The following ARHGAP11B variants were observed in gnomAD, a reference collection of about 807,000 sequenced individuals.
ARHGAP11B encodes inactive Rho GTPase-activating protein 11B.
A neutral mutation model predicts 27.6 loss-of-function variants in ARHGAP11B; 14 were observed. That is an observed-to-expected ratio of 0.51 (90% CI 0.34 to 0.79). The LOEUF (loss-of-function observed/expected upper bound fraction) is 0.79. Ranked by LOEUF, ARHGAP11B falls within the 30% of genes least tolerant of loss-of-function variation. ARHGAP11B has a pLI of 0.02. For missense variants in ARHGAP11B, 245 were observed against 320.1 expected, an observed-to-expected ratio of 0.77 and a Z score of 1.79; for synonymous variants, 82 against 114.1, an observed-to-expected ratio of 0.72 and a Z score of 1.80.
Position 30,632,422 on chromosome 15 carries a change from T to A in ARHGAP11B, c.201-1068T>A, listed in dbSNP as rs370473924. On this transcript the variant is annotated intron_variant, in intron 2 of 10. Transcript: ENST00000428041. ...CAGAGCGAGACACTGTCTCAAAAAC[T>A]AAAAGAAAAAAAAAAAGCAGATTTT... is the stretch of plus-strand genomic sequence containing the variant. 1.0e-4 allele frequency among the ~76,000 whole-genome samples: 15 copies of A among 146,924 alleles called. 1 individual carries two copies. The highest frequency in any genetic ancestry group is 1.7e-4 in the Non-Finnish European group (11 of 66,604).
Position 30,639,099 on chromosome 15 carries a change from C to T in ARHGAP11B, c.*78+279C>T, listed in dbSNP as rs141443549. On this transcript the variant is annotated intron_variant, in intron 7 of 10. Coordinates refer to ENST00000428041, the Ensembl canonical transcript of ARHGAP11B. ...TGTTTGTAATTTAGATGCTATTGAA[C>T]GTGTGAAAATAGTTCAACCTCATTT... Among the ~76,000 whole-genome samples the T allele has an allele frequency of 1.3e-3, 192 of 151,906 alleles. 1 individual carries two copies. The highest frequency in any genetic ancestry group is 4.1e-3 in the African/African-American group (170 of 41,424).
chr15:30,636,844 C>G lies in ARHGAP11B; in HGVS notation c.*3+1211C>G, dbSNP rs975341782. On this transcript the variant is annotated intron_variant, in intron 6 of 10. Transcript: ENST00000428041. ...GCCTATGTCATCCCATGGTGTTGCT[C>G]TGTGTCAGAACTTCCCTCTTACAGG... is the stretch of plus-strand genomic sequence containing the variant. Among the ~76,000 whole-genome samples the G allele has an allele frequency of 8.5e-5, 13 of 152,072 alleles. 1 individual carries two copies. The highest frequency in any genetic ancestry group is 1.9e-4 in the Non-Finnish European group (13 of 67,992).
At chr15:30,639,608 A>AT (rs1278968814) in intron 7 of ARHGAP11B, among the ~76,000 whole-genome samples, 1 of 151,912 alleles carries the variant, frequency 6.6e-6, no homozygotes, top group African/African-American at 2.4e-5. Flanking sequence ...TTGTTTTGAT[A>AT]TTTTTTCAGC....
At chr15:30,636,864 T>TA (rs2060282887) in intron 6 of ARHGAP11B, among the ~76,000 whole-genome samples, 1 of 152,052 alleles carries the variant, frequency 6.6e-6, no homozygotes, top group African/African-American at 2.4e-5. Flanking sequence ...ACTTCCCTCT[T>TA]ACAGGGCACA....
chr15:30,633,331 A>G (rs71473135), intron 2 of ARHGAP11B, among the ~76,000 whole-genome samples, 159 bp from the exon 3 acceptor site: 2,130 of 152,200 alleles, frequency 0.014, 39 homozygotes, highest in Non-Finnish European at 0.022. Context: ...TTTGGAAAGC[A>G]AGTAGACAAC....
chr15:30,633,219 T>TA (rs1212259885), intron 2 of ARHGAP11B, among the ~76,000 whole-genome samples: 2 of 151,446 alleles, frequency 1.3e-5, no homozygotes, highest in African/African-American at 4.9e-5. Flanking sequence ...AGACAAGTCT[T>TA]ACGCTCTGAA....
intron 7 of ARHGAP11B, among the ~76,000 whole-genome samples, chr15:30,642,214 C>T (rs1007387182): frequency 6.6e-6 from 1 of 151,800 alleles, no homozygotes; most frequent in African/African-American, 2.4e-5. Flanking sequence ...TTATTAATAA[C>T]TCAGATGAAT....
intron 6 of ARHGAP11B, among the ~76,000 whole-genome samples, chr15:30,636,632 C>T (rs1192536082): frequency 1.3e-5 from 2 of 152,110 alleles, no homozygotes; most frequent in Admixed American, 6.5e-5. Flanking sequence ...CAAAGTACTA[C>T]AAACTAGGTG....
In ARHGAP11B at chr15:30,633,598, G is replaced by A. The variant is rs768026832; in HGVS notation, c.297+12G>A. 3 of 1,598,738 alleles carry A rather than the reference G, an allele frequency of 1.9e-6. No homozygotes were observed. The highest frequency in any genetic ancestry group is 2.6e-6 in the Non-Finnish European group (3 of 1,173,128). On this transcript the variant is annotated intron_variant, in intron 3 of 10. Coordinates refer to ENST00000428041, the Ensembl canonical transcript of ARHGAP11B. ...TAAAAGCACTAAAGGTGAGCATATTGTTGAACTATAATTTTTCATTTGAGC... is the reference window on the plus strand; with the variant it reads ...TAAAAGCACTAAAGGTGAGCATATTATTGAACTATAATTTTTCATTTGAGC...
intron 6 of ARHGAP11B, among the ~76,000 whole-genome samples, chr15:30,637,309 A>G (rs2060285534): frequency 6.6e-6 from 1 of 151,966 alleles, no homozygotes; most frequent in Non-Finnish European, 1.5e-5. Context: ...ATTTTCTTCT[A>G]ACAGCACCAC....
intron 2 of ARHGAP11B, among the ~76,000 whole-genome samples, chr15:30,631,787 C>CTTTT (rs765025486): frequency 2.9e-5 from 4 of 139,658 alleles, no homozygotes; most frequent in African/African-American, 5.2e-5. Context: ...ACCTTTTGTT[C>CTTTT]TTTTTTTTTT....
intron 7 of ARHGAP11B, among the ~76,000 whole-genome samples, chr15:30,640,001 T>C (rs1438665647): frequency 6.6e-6 from 1 of 150,668 alleles, no homozygotes; most frequent in Admixed American, 6.6e-5. Context: ...TGTGTGTGTG[T>C]GTGTGTGTGT....
chr15:30,627,109 C>G (rs2140886384), intron 1 of ARHGAP11B, among the ~76,000 whole-genome samples, 160 bp downstream of exon 1: 1 of 151,730 alleles, frequency 6.6e-6, no homozygotes, highest in East Asian at 1.9e-4. Context: ...TAAAAAGTGA[C>G]ATTCTTGTTT....
chr15:30,643,531 C>A (rs902805218), intron 7 of ARHGAP11B, among the ~76,000 whole-genome samples: 3 of 152,016 alleles, frequency 2.0e-5, no homozygotes, highest in African/African-American at 4.8e-5. Context: ...CCTGCCTAGG[C>A]CTGCCAAAGT....
At chr15:30,638,054 A>T (rs1281514267) in intron 6 of ARHGAP11B, among the ~76,000 whole-genome samples, 9 of 150,626 alleles carry the variant, frequency 6.0e-5, no homozygotes, top group Non-Finnish European at 1.0e-4. Flanking sequence ...TCCGGACATC[A>T]AGTAATCTGC....
In ARHGAP11B at chr15:30,639,686, C is replaced by G. The variant is rs111888291; in HGVS notation, c.*78+866C>G. Among the ~76,000 whole-genome samples the G allele has an allele frequency of 1.4e-4, 21 of 152,062 alleles. 1 individual carries two copies. Among genetic ancestry groups the G allele is most frequent in the African/African-American group, 4.1e-4 (17 of 41,512 alleles). ...GTGTAAATTGCCATGCCAGTAGATT[C>G]TTCTCATGGTTTCTCAAGTAAGAAA... On this transcript the variant is annotated intron_variant, in intron 7 of 10. Coordinates refer to ENST00000428041, the Ensembl canonical transcript of ARHGAP11B.
At chr15:30,644,133 A>AT (rs1384197999) in intron 7 of ARHGAP11B, among the ~76,000 whole-genome samples, 1 of 152,060 alleles carries the variant, frequency 6.6e-6, no homozygotes, top group Non-Finnish European at 1.5e-5. Context: ...TACAAAAAAA[A>AT]AAAATTCTTT....
At chr15:30,640,982 C>T (rs1270412011) in intron 7 of ARHGAP11B, among the ~76,000 whole-genome samples, 4 of 151,582 alleles carry the variant, frequency 2.6e-5, no homozygotes, top group African/African-American at 9.7e-5. Context: ...GTAGTTCTAC[C>T]TGCCTTTGCT....
intron 7 of ARHGAP11B, among the ~76,000 whole-genome samples, chr15:30,643,852 A>G (rs1156315846): frequency 6.6e-6 from 1 of 152,084 alleles, no homozygotes; most frequent in Non-Finnish European, 1.5e-5. Flanking sequence ...AGTTAGGTAT[A>G]GAAATGATGG....
Sources: gnomAD v4.1 joint callset for allele counts (sites outside exome capture counted in the v4.1 genomes callset) on GRCh38, gnomAD v4.1.1 for gene constraint, MANE v1.5 for transcripts, NCBI Gene and HGNC (gene_info 2026-07-23, HGNC 2026-07-21) for gene names.